The following NFIL3 variants were observed in gnomAD, a reference collection of about 807,000 sequenced individuals.
The protein encoded by NFIL3 is nuclear factor, interleukin 3 regulated.
A neutral mutation model predicts 10.0 loss-of-function variants in NFIL3; 5 were observed. The observed-to-expected ratio is 0.50, with a 90% CI of 0.26 to 1.06. The LOEUF (loss-of-function observed/expected upper bound fraction) is 1.06, where lower values mean the gene tolerates loss of function less well. Ranked by LOEUF, NFIL3 falls within the 50% of genes least tolerant of loss-of-function variation. The pLI, the probability that NFIL3 is intolerant of heterozygous loss-of-function variation, is 0.13. For missense variants in NFIL3, 436 were observed against 547.6 expected (o/e 0.80, Z 2.03); for synonymous variants, 202 against 206.5 (o/e 0.98, Z 0.19).
chr9:91,451,111 G>T, the NFIL3 span, among the ~76,000 whole-genome samples: 2 of 152,024 alleles, frequency 1.3e-5, no homozygotes, highest in Admixed American at 6.6e-5. Context: ...ACCTGGCTTT[G>T]GTTCCTACCT....
the NFIL3 span, among the ~76,000 whole-genome samples, chr9:91,453,159 T>C: frequency 6.6e-6 from 1 of 152,126 alleles, no homozygotes; most frequent in Admixed American, 6.5e-5. Context: ...TTGTTGATGG[T>C]CATCTTCTTC....
chr9:91,449,153 C>T, the NFIL3 span, among the ~76,000 whole-genome samples: 1 of 152,024 alleles, frequency 6.6e-6, no homozygotes, highest in Non-Finnish European at 1.5e-5. Flanking sequence ...AAGACAATGC[C>T]ATTTGCAAAT....
the NFIL3 span, among the ~76,000 whole-genome samples, chr9:91,437,588 C>T: frequency 6.6e-6 from 1 of 152,336 alleles, no homozygotes; most frequent in East Asian, 1.9e-4. Flanking sequence ...TCTTCACGTA[C>T]ATTTGATCTC....
chr9:91,449,913 A>G, the NFIL3 span, among the ~76,000 whole-genome samples: 3 of 152,160 alleles, frequency 2.0e-5, no homozygotes, highest in African/African-American at 7.2e-5. Flanking sequence ...TTTTCTGTTT[A>G]TTTTTAAGTC....
the NFIL3 span, among the ~76,000 whole-genome samples, chr9:91,456,409 C>T: frequency 1.6e-4 from 24 of 152,042 alleles, no homozygotes; most frequent in African/African-American, 4.3e-4. Flanking sequence ...GTCAGTCTTT[C>T]GAATTTTATC....
In NFIL3 at chr9:91,410,615, T is replaced by A; in HGVS notation, c.120A>T (p.Thr40=). 1 of 1,614,244 alleles carries A rather than the reference T, an allele frequency of 6.2e-7. No individual in the cohort carries two copies. Among genetic ancestry groups the A allele is most frequent in the East Asian group, 2.2e-5 (1 of 44,886 alleles). Residue 40 remains threonine, a synonymous_variant, in exon 2 of 2, where the codon ACA becomes ACT. Coordinates refer to ENST00000297689, the MANE Select transcript of NFIL3 (RefSeq NM_005384.3). This position sits in a 1 kb window ranked among gnomAD's most constrained non-coding sequence, Gnocchi z 5.7. The part of the protein sequence containing the change: ...SALTEVSEDS[T]TGEELLLSEG... ...CACTGAGAAGCAGCTCCTCACCTGT[T>A]GTGGAGTCTTCTGACACTTCCGTTA...
chr9:91,427,191 TG>T (rs1833880929), upstream of NFIL3: 1 of 151,744 alleles, frequency 6.6e-6, no homozygotes, highest in African/African-American at 2.4e-5. Context: ...TTCTTTTTTT[TG>T]GTAAAATATC....
At chr9:91,452,031 C>T in the NFIL3 span, among the ~76,000 whole-genome samples, 1 of 152,174 alleles carries the variant, frequency 6.6e-6, no homozygotes, top group Non-Finnish European at 1.5e-5. Context: ...TGGAAGCCTC[C>T]TCTTGACTAA....
the NFIL3 span, among the ~76,000 whole-genome samples, chr9:91,456,288 T>A: frequency 1.3e-5 from 2 of 152,138 alleles, no homozygotes; most frequent in African/African-American, 4.8e-5. Flanking sequence ...AATGGTTAAT[T>A]TTTTTAGAAA....
intron 1 of NFIL3, among the ~76,000 whole-genome samples, chr9:91,418,152 G>A (rs1000668119): frequency 6.6e-5 from 10 of 152,194 alleles, no homozygotes; most frequent in African/African-American, 2.2e-4. Flanking sequence ...GCACATACAC[G>A]CTAGCACGAC....
chr9:91,431,537 G>T, the NFIL3 span, among the ~76,000 whole-genome samples: 2 of 152,152 alleles, frequency 1.3e-5, no homozygotes, highest in African/African-American at 4.8e-5. Flanking sequence ...CTGAGCTTAG[G>T]GATGCACTGG....
intron 1 of NFIL3, among the ~76,000 whole-genome samples, chr9:91,413,207 G>A (rs750338742): frequency 1.3e-5 from 2 of 151,918 alleles, no homozygotes; most frequent in Non-Finnish European, 2.9e-5. Context: ...CAGCAGTGAT[G>A]TTGCAGAGAA....
At chr9:91,443,188 G>C in the NFIL3 span, among the ~76,000 whole-genome samples, 1 of 152,284 alleles carries the variant, frequency 6.6e-6, no homozygotes, top group Admixed American at 6.5e-5. Context: ...TGTGTCTGGG[G>C]TTTTTATGGG....
the NFIL3 span, among the ~76,000 whole-genome samples, chr9:91,433,071 GAAA>G: frequency 6.6e-6 from 1 of 151,530 alleles, no homozygotes; most frequent in African/African-American, 2.4e-5. Flanking sequence ...AATGAGACAG[GAAA>G]AAAAAGAATT....
At chr9:91,438,846 C>G in the NFIL3 span, among the ~76,000 whole-genome samples, 1 of 152,106 alleles carries the variant, frequency 6.6e-6, no homozygotes, top group African/African-American at 2.4e-5. Flanking sequence ...TCTGTGCACC[C>G]TATTCTGTTT....
At chr9:91,428,478 A>G (rs1217267965), upstream of NFIL3, among the ~76,000 whole-genome samples, 6 of 152,222 alleles carry the variant, frequency 3.9e-5, no homozygotes, top group African/African-American at 1.2e-4. Context: ...GAGTTCTATT[A>G]GCATGCTTGG....
chr9:91,451,148 C>T, the NFIL3 span, among the ~76,000 whole-genome samples: 666 of 152,260 alleles, frequency 4.4e-3, 7 homozygotes, highest in African/African-American at 0.015. Context: ...TCCACTCTTC[C>T]TTCTTACTCC....
chr9:91,418,517 C>T (rs1312099305), intron 1 of NFIL3, among the ~76,000 whole-genome samples: 1 of 152,246 alleles, frequency 6.6e-6, no homozygotes, highest in Non-Finnish European at 1.5e-5. Context: ...ACTTGCTTCA[C>T]TTGGCTTTTT....
the NFIL3 span, among the ~76,000 whole-genome samples, chr9:91,468,693 C>A: frequency 3.9e-5 from 6 of 152,226 alleles, no homozygotes; most frequent in Middle Eastern, 3.4e-3. Context: ...AGTCTTTAAT[C>A]CATCTTGAAT....
Sources: gnomAD v4.1 joint callset for allele counts (sites outside exome capture counted in the v4.1 genomes callset) on GRCh38, gnomAD v4.1.1 for gene constraint, Gnocchi (gnomAD v3.1) non-coding constraint, MANE v1.5 for transcripts, NCBI Gene and HGNC (gene_info 2026-07-23, HGNC 2026-07-21) for gene names.